Variants in RAB7A observed in about 807,000 individuals in gnomAD.
RAB7A encodes RAB7A, member RAS oncogene family, also known as ras-related protein Rab-7a.
Under a neutral mutation model 24.5 loss-of-function variants are expected in RAB7A, and 2 were observed. The ratio of observed to expected loss-of-function variants is 0.08; its 90% CI spans 0.03 to 0.26. RAB7A has a LOEUF of 0.26. Among genes scored for constraint, RAB7A ranks in the 10% least tolerant of loss-of-function variants. The pLI is 1.00. For missense variants in RAB7A, 118 were observed against 255.7 expected (o/e 0.46, Z 3.67); for synonymous variants, 100 against 95.9 (o/e 1.04, Z -0.25).
intron 1 of RAB7A, chr3:128,795,132 G>A: frequency 1.7e-6 from 1 of 582,058 alleles, no homozygotes; most frequent in Non-Finnish European, 3.1e-6. Flanking sequence ...CTCTCCAACA[G>A]CTTGCAGGGG....
At chr3:128,805,010 TGTGCAGTCTAGGA>T in intron 3 of RAB7A, among the ~76,000 whole-genome samples, 1 of 152,242 alleles carries the variant, frequency 6.6e-6, no homozygotes, top group South Asian at 2.1e-4. Flanking sequence ...GAGTATCACA[TGTGCAGTCTAGGA>T]GTGCAGTCTA....
At chr3:128,776,986 A>ACACC (rs1471733251) in intron 1 of RAB7A, among the ~76,000 whole-genome samples, 5 of 132,104 alleles carry the variant, frequency 3.8e-5, no homozygotes, top group African/African-American at 5.7e-5. Flanking sequence ...ACACACACAC[A>ACACC]CCCCTATTAG....
chr3:128,763,681 A>G (rs1341821894), intron 1 of RAB7A, among the ~76,000 whole-genome samples: 1 of 152,156 alleles, frequency 6.6e-6, no homozygotes, highest in Non-Finnish European at 1.5e-5. Flanking sequence ...CTGTGTGATT[A>G]GGAAGTGCTC....
At chr3:128,764,733 C>G in intron 1 of RAB7A, 1 of 801,740 alleles carries the variant, frequency 1.2e-6, no homozygotes, top group Non-Finnish European at 2.2e-6. Context: ...TCAGCCCACT[C>G]TCCCAGTCAT....
intron 3 of RAB7A, among the ~76,000 whole-genome samples, chr3:128,804,232 C>T (rs953038629): frequency 3.9e-5 from 6 of 151,918 alleles, no homozygotes; most frequent in African/African-American, 1.2e-4. Flanking sequence ...TAGTGCTACA[C>T]GCAATTTCTG....
At chr3:128,780,920 G>A (rs1933203848) in intron 1 of RAB7A, among the ~76,000 whole-genome samples, 3 of 152,250 alleles carry the variant, frequency 2.0e-5, no homozygotes, top group African/African-American at 7.2e-5. Flanking sequence ...GGGCATTTTT[G>A]CCCTATGTAA....
chr3:128,736,980 T>A (rs1306982828), intron 1 of RAB7A, among the ~76,000 whole-genome samples: 1 of 152,166 alleles, frequency 6.6e-6, no homozygotes, highest in Non-Finnish European at 1.5e-5. Context: ...AGAGCTTAGT[T>A]ATAGATACTG....
chr3:128,751,906 C>T (rs73198811), intron 1 of RAB7A, among the ~76,000 whole-genome samples: 6,320 of 152,266 alleles, frequency 0.042, 177 homozygotes, highest in Non-Finnish European at 0.058. Context: ...ATAAGTCTTA[C>T]GAGATCTGAT....
At chr3:128,782,301 C>T (rs1345982127) in intron 1 of RAB7A, among the ~76,000 whole-genome samples, 3 of 151,606 alleles carry the variant, frequency 2.0e-5, no homozygotes, top group African/African-American at 7.3e-5. Flanking sequence ...AAGAAAATGC[C>T]ATTTGAGCTC....
At chr3:128,742,762 G>T (rs1433043955) in intron 1 of RAB7A, among the ~76,000 whole-genome samples, 2 of 151,920 alleles carry the variant, frequency 1.3e-5, no homozygotes, top group African/African-American at 2.4e-5. Flanking sequence ...GTCCCCACTA[G>T]ATTAGCTAGA....
intron 3 of RAB7A, among the ~76,000 whole-genome samples, chr3:128,799,445 A>G (rs1341997265): frequency 6.6e-6 from 1 of 152,178 alleles, no homozygotes; most frequent in African/African-American, 2.4e-5. Flanking sequence ...ATACAATTCT[A>G]ATCCCATTAT....
intron 1 of RAB7A, among the ~76,000 whole-genome samples, chr3:128,790,211 T>C (rs1490958861): frequency 6.6e-6 from 1 of 152,240 alleles, no homozygotes; most frequent in African/African-American, 2.4e-5. Context: ...AAAGAAGATG[T>C]GGAATTCTTA....
chr3:128,755,816 G>C (rs1037310696), intron 1 of RAB7A, among the ~76,000 whole-genome samples: 5 of 151,982 alleles, frequency 3.3e-5, no homozygotes, highest in African/African-American at 1.2e-4. Flanking sequence ...TGTGCACAAC[G>C]TGCAGGTTAG....
intron 1 of RAB7A, among the ~76,000 whole-genome samples, chr3:128,788,075 G>A (rs907917360): frequency 1.3e-5 from 2 of 152,222 alleles, no homozygotes; most frequent in African/African-American, 4.8e-5. Flanking sequence ...TCCCACCCAG[G>A]AAGTGAATCA....
intron 3 of RAB7A, among the ~76,000 whole-genome samples, chr3:128,804,454 T>C (rs1180656861): frequency 6.6e-6 from 1 of 152,240 alleles, no homozygotes; most frequent in Non-Finnish European, 1.5e-5. Flanking sequence ...GTGATCTCTC[T>C]TGATTTCTAT....
intron 1 of RAB7A, among the ~76,000 whole-genome samples, chr3:128,732,803 G>T (rs2070451453): frequency 6.6e-6 from 1 of 152,136 alleles, no homozygotes; most frequent in Non-Finnish European, 1.5e-5. Flanking sequence ...CTCCAGCCTG[G>T]GTGGCAGAGC....
chr3:128,766,969 T>G (rs890087498), intron 1 of RAB7A, among the ~76,000 whole-genome samples: 19 of 145,744 alleles, frequency 1.3e-4, no homozygotes, highest in African/African-American at 3.8e-4. Context: ...TCGTTTTCTG[T>G]TTTTTTTTTT....
chr3:128,731,726 G>A (rs1004825587), intron 1 of RAB7A, among the ~76,000 whole-genome samples: 1 of 152,014 alleles, frequency 6.6e-6, no homozygotes, highest in Non-Finnish European at 1.5e-5. Flanking sequence ...TGTATCTTTC[G>A]GCCGGGGGCG....
chr3:128,763,750 A>G (rs570442761), intron 1 of RAB7A, among the ~76,000 whole-genome samples: 104 of 151,826 alleles, frequency 6.8e-4, no homozygotes, highest in Middle Eastern at 3.4e-3. Context: ...CCTTTCACCT[A>G]TGGTATCACT....
Sources: gnomAD v4.1 joint callset for allele counts (sites outside exome capture counted in the v4.1 genomes callset) on GRCh38, gnomAD v4.1.1 for gene constraint, MANE v1.5 for transcripts, NCBI Gene and HGNC (gene_info 2026-07-23, HGNC 2026-07-21) for gene names.